Variants in MAP3K10 observed in about 807,000 individuals in gnomAD.
MAP3K10 encodes mitogen-activated protein kinase kinase kinase 10, also known as MKN28 derived nonreceptor_type serine/threonine kinase.
In MAP3K10, 22 loss-of-function variants were observed where a neutral mutation model predicts 75.0. The observed-to-expected ratio is 0.29, with a 90% CI of 0.21 to 0.42. The LOEUF (loss-of-function observed/expected upper bound fraction) is 0.42. Ranked by LOEUF, MAP3K10 falls within the 10% of genes least tolerant of loss-of-function variation. The pLI is 1.00. For synonymous variants in MAP3K10, 599 were observed against 612.9 expected, an observed-to-expected ratio of 0.98 and a Z score of 0.34; for missense variants, 1,165 against 1,379.8, an observed-to-expected ratio of 0.84 and a Z score of 2.47.
At chr19:40,210,452 A>G (rs866450229) in intron 6 of MAP3K10, among the ~76,000 whole-genome samples, 2 of 151,916 alleles carry the variant, frequency 1.3e-5, no homozygotes, top group Admixed American at 6.5e-5. Flanking sequence ...TGTAATCCCA[A>G]CACTTTGGGA....
rs375737560 is a variant in MAP3K10, at chr19:40,214,122, G to C, written c.2443G>C (p.Val815Leu). 7.1e-6 allele frequency: 11 copies of C among 1,554,184 alleles called. No individual in the cohort carries two copies. Among genetic ancestry groups the C allele is most frequent in the Middle Eastern group, 1.7e-4 (1 of 5,802 alleles). The change falls in exon 9 of 10, where the codon GTC (valine) becomes CTC (leucine). Residue 815 changes from valine (V) to leucine (L), a missense_variant. By Grantham distance (32) the Val-to-Leu change is conservative (BLOSUM62 1). This residue lies in a region of MAP3K10 where 590 missense variants were observed against 586.6 expected (regional missense o/e 1.01). Transcript: ENST00000253055. ...CCGCCAGTCGCTCACGCCCACCCAC[G>C]TCACGGCTGCATGCGCTGTGAGCCG... The part of the protein sequence containing the change: ...DPRQSLTPTH[V>L]TAACAVSRGH...
Position 40,192,642 on chromosome 19 carries a change from C to T in MAP3K10, c.611C>T (p.Ala204Val). 6.2e-7 allele frequency: 1 copy of T among 1,600,450 alleles called. No individual in the cohort carries two copies. The highest frequency in any genetic ancestry group is 1.7e-5 in the Admixed American group (1 of 58,814). The part of the protein sequence containing the change: ...HVLVNWAVQV[A>V]RGMNYLHNDA... ...CTGGTCAACTGGGCTGTGCAGGTGG[C>T]CCGGGGCATGAACTACCTACACAAT... is the stretch of plus-strand genomic sequence containing the variant. Residue 204 changes from alanine (A) to valine (V), a missense_variant, in exon 1 of 10, where the codon GCC (alanine) becomes GTC (valine). Ala to Val is a moderately conservative substitution (Grantham distance 64). Transcript: ENST00000253055. The surrounding 1 kb of genome is among the most constrained non-coding windows in gnomAD (Gnocchi z 7.1).
At chr19:40,200,234 G>A (rs1408285653) in intron 2 of MAP3K10, among the ~76,000 whole-genome samples, 3 of 152,210 alleles carry the variant, frequency 2.0e-5, no homozygotes, top group Non-Finnish European at 4.4e-5. Context: ...AGGAGGCAGA[G>A]GTTGAGATGG....
At chr19:40,208,378 A>G (rs1236130679) in intron 5 of MAP3K10, among the ~76,000 whole-genome samples, 3 of 20,526 alleles carry the variant, frequency 1.5e-4, no homozygotes, top group Non-Finnish European at 3.9e-4. Context: ...TTGTATTTTT[A>G]GTAGAGACAG....
rs564792627 is a variant in MAP3K10, at chr19:40,208,443, G to A, written c.1436-660G>A. Reference sequence around the variant, plus strand: ...AATCTCCTGACCTCGTGATCCGCCTGCCTCGGCCTCCCAAAGTGCTGGGAT... The same window carrying A: ...AATCTCCTGACCTCGTGATCCGCCTACCTCGGCCTCCCAAAGTGCTGGGAT... On this transcript the variant is annotated intron_variant, in intron 5 of 9. Coordinates refer to ENST00000253055, the MANE Select transcript of MAP3K10 (RefSeq NM_002446.4). Among the ~76,000 whole-genome samples the A allele has an allele frequency of 6.8e-3, 967 of 141,536 alleles. 13 individuals carry two copies. Among genetic ancestry groups the A allele is most frequent in the African/African-American group, 0.024 (910 of 38,592 alleles). The allele number at this position is 141,536 out of a possible 152,430, so 92.9% of individuals were successfully genotyped here. A position where few individuals can be genotyped will look rare whatever the true frequency, so the allele number is the denominator to read the frequency against.
intron 1 of MAP3K10, among the ~76,000 whole-genome samples, chr19:40,196,391 G>A (rs952839867): frequency 2.6e-5 from 4 of 152,192 alleles, no homozygotes; most frequent in Admixed American, 2.6e-4. Context: ...GTTTACTCTT[G>A]TAGTCCCAGC....
intron 6 of MAP3K10, among the ~76,000 whole-genome samples, chr19:40,211,481 G>C (rs1246308982): frequency 6.6e-6 from 1 of 151,898 alleles, no homozygotes; most frequent in African/African-American, 2.4e-5. Flanking sequence ...CCATCACCTA[G>C]GTAGTAAGCC....
rs1219472047 is a variant in MAP3K10, at chr19:40,213,064, T to C, written c.1725-12T>C. 1 of 1,604,582 alleles carries C rather than the reference T, an allele frequency of 6.2e-7. No homozygotes were observed. Among genetic ancestry groups the C allele is most frequent in the Non-Finnish European group, 8.5e-7 (1 of 1,175,610 alleles). On this transcript the variant is annotated splice_polypyrimidine_tract_variant and intron_variant, in intron 7 of 9. Coordinates refer to ENST00000253055, the MANE Select transcript of MAP3K10 (RefSeq NM_002446.4). This position sits in a 1 kb window ranked among gnomAD's most constrained non-coding sequence, Gnocchi z 5.7. ...CAGGACTGAGGTCTCCATCTCTCCC[T>C]GGACCCCGCAGGCTGAAGGGGCTGG...
Position 40,212,834 on chromosome 19 carries a change from A to G in MAP3K10, c.1582A>G (p.Ser528Gly), listed in dbSNP as rs781186671. 3.1e-6 allele frequency: 5 copies of G among 1,599,934 alleles called. No homozygotes were observed. In the South Asian group the frequency reaches 5.6e-5, roughly 18 times the overall value. ...LTPVDCGGSS[S>G]GSSSGGSGTW... ...TCCCGTGGACTGTGGTGGCAGCAGC[A>G]GTGGCAGCAGCAGTGGAGGAAGTGG... is the stretch of plus-strand genomic sequence containing the variant. Residue 528 changes from serine to glycine, a missense_variant, in exon 7 of 10, where the codon AGT (serine) becomes GGT (glycine). By Grantham distance (56) the Ser-to-Gly change is moderately conservative. Coordinates refer to ENST00000253055, the MANE Select transcript of MAP3K10 (RefSeq NM_002446.4). The surrounding 1 kb of genome is among the most constrained non-coding windows in gnomAD (Gnocchi z 4.2).
intron 5 of MAP3K10, among the ~76,000 whole-genome samples, chr19:40,208,345 C>CTTTCTTTCT (rs1555756622): frequency 7.2e-5 from 4 of 55,904 alleles, no homozygotes; most frequent in Non-Finnish European, 1.3e-4. Context: ...CTCTTTCTTT[C>CTTTCTTTCT]TTTTTTTTTT....
rs1176996657 is a variant in MAP3K10 at position 40,215,382 on chromosome 19, C to G, written c.*90C>G. On this transcript the variant is annotated 3_prime_UTR_variant, in exon 10 of 10. Coordinates refer to ENST00000253055, the MANE Select transcript of MAP3K10 (RefSeq NM_002446.4). ...GCCATGCCACAAGGTGGGGGAGGCC[C>G]TGGGCAGGATGTTCACTCTATTTAT... is the stretch of plus-strand genomic sequence containing the variant. 1 of 1,209,340 alleles carries G rather than the reference C, an allele frequency of 8.3e-7. No homozygotes were observed. The highest frequency in any genetic ancestry group is 1.1e-6 in the Non-Finnish European group (1 of 871,334). The allele number at this position is 1,209,340 out of a possible 1,614,324, so 74.9% of individuals were successfully genotyped here.
At chr19:40,206,312 A>T (rs1973121104) in intron 5 of MAP3K10, 155 bp downstream of exon 5, 1 of 873,018 alleles carries the variant, frequency 1.1e-6, no homozygotes, top group Non-Finnish European at 1.6e-6. Flanking sequence ...GAGCACTTGT[A>T]GTCCCAGCCT....
Position 40,198,589 on chromosome 19 carries a change from G to T in MAP3K10, c.863+34G>T. 1 of 1,574,962 alleles carries T rather than the reference G, an allele frequency of 6.3e-7. No homozygotes were observed. Among genetic ancestry groups the T allele is most frequent in the Non-Finnish European group, 8.7e-7 (1 of 1,154,886 alleles). Reference sequence around the variant, plus strand: ...AGGCGCGGCCGGGATGGCCTCTGGGGAGTAAGGGAGGGAGGAAGGGGTGAG... The same window carrying T: ...AGGCGCGGCCGGGATGGCCTCTGGGTAGTAAGGGAGGGAGGAAGGGGTGAG... On this transcript the variant is annotated intron_variant, in intron 2 of 9. Coordinates refer to ENST00000253055, the MANE Select transcript of MAP3K10 (RefSeq NM_002446.4). This position sits in a 1 kb window ranked among gnomAD's most constrained non-coding sequence, Gnocchi z 4.3.
Position 40,208,201 on chromosome 19 carries a change from T to C in MAP3K10, c.1436-902T>C, listed in dbSNP as rs181884256. 1.6e-4 allele frequency among the ~76,000 whole-genome samples: 24 copies of C among 152,060 alleles called. No individual in the cohort carries two copies. In the South Asian group the frequency reaches 4.2e-3, roughly 26 times the overall value. ...TTTTTGTTTTTTTTGAGATGGAGCC[T>C]CGCTCTGTCACCCAGGCTGGAGTGC... On this transcript the variant is annotated intron_variant, in intron 5 of 9. Transcript: ENST00000253055.
Position 40,215,247 on chromosome 19 carries a change from C to A in MAP3K10, c.2820C>A (p.Asn940Lys). 1 of 1,558,008 alleles carries A rather than the reference C, an allele frequency of 6.4e-7. No homozygotes were observed. The highest frequency in any genetic ancestry group is 8.7e-7 in the Non-Finnish European group (1 of 1,151,506). Residue 940 changes from asparagine (N) to lysine (K), a missense_variant, in exon 10 of 10, where the codon AAC becomes AAA. Asn to Lys is a moderately conservative substitution (Grantham distance 94). Coordinates refer to ENST00000253055, the MANE Select transcript of MAP3K10 (RefSeq NM_002446.4). ...TGGACATGGACATGGAGGGGCAGAA[C>A]CAAGACAGCACAGTGCCCCTGTGCG... ...TLLDMDMEGQ[N>K]QDSTVPLCGA... is the part of the protein sequence containing the mutation.
rs1972812881 is a variant in MAP3K10, at chr19:40,191,630, C to G, written c.-402C>G. 1 of 149,636 alleles carries G rather than the reference C, an allele frequency of 6.7e-6. No homozygotes were observed. The highest frequency in any genetic ancestry group is 1.5e-5 in the Non-Finnish European group (1 of 67,358). 9.3% of individuals were successfully genotyped at this position (149,636 alleles called of 1,614,324 possible). ...GGCCCGGCAGTCGTGGCCCGGGATG[C>G]GGAGCCGGGGGCCGCCGGTGGAGCT... On this transcript the variant is annotated 5_prime_UTR_variant, in exon 1 of 10. Coordinates refer to ENST00000253055, the MANE Select transcript of MAP3K10 (RefSeq NM_002446.4).
rs373849251 is a variant in MAP3K10 at position 40,192,680 on chromosome 19, C to T, written c.649C>T (p.Pro217Ser). The change falls in exon 1 of 10, where the codon CCC becomes TCC. Residue 217 changes from proline to serine, a missense_variant. Around this residue, in one of 2 missense-constraint regions of MAP3K10, gnomAD observed 575 missense variants for 793.2 expected, o/e 0.72. Transcript: ENST00000253055. This position sits in a 1 kb window ranked among gnomAD's most constrained non-coding sequence, Gnocchi z 7.1. ...MNYLHNDAPV[P>S]IIHRDLKSIN... ...CTACCTACACAATGATGCCCCTGTG[C>T]CCATCATCCACCGGGACCTCAAGTC... The T allele has an allele frequency of 1.5e-5, 23 of 1,554,590 alleles. No homozygotes were observed. Among genetic ancestry groups the T allele is most frequent in the Non-Finnish European group, 1.8e-5 (21 of 1,149,296 alleles).
chr19:40,212,502 C>G lies in MAP3K10; in HGVS notation c.1553-303C>G, dbSNP rs1240289882. On this transcript the variant is annotated intron_variant, in intron 6 of 9. Transcript: ENST00000253055. The surrounding 1 kb of genome is among the most constrained non-coding windows in gnomAD (Gnocchi z 4.2). The stretch of plus-strand genomic sequence containing the variant: ...GAACTAACTACCCAGAGCTGGAGAC[C>G]AGAAGCGCAGGCAGCCCGCCAGAAT... Among the ~76,000 whole-genome samples the G allele has an allele frequency of 6.6e-6, 1 of 152,160 alleles. No homozygotes were observed. The highest frequency in any genetic ancestry group is 1.5e-5 in the Non-Finnish European group (1 of 68,026).
intron 5 of MAP3K10, among the ~76,000 whole-genome samples, chr19:40,207,772 T>C (rs1200616474): frequency 6.6e-6 from 1 of 152,162 alleles, no homozygotes; most frequent in Non-Finnish European, 1.5e-5. Context: ...GCCCAATATA[T>C]CCATGCAATC....
Sources: gnomAD v4.1 joint callset for allele counts (sites outside exome capture counted in the v4.1 genomes callset) on GRCh38, gnomAD v4.1.1 for gene constraint, gnomAD v4.1.1 regional missense constraint, Gnocchi (gnomAD v3.1) non-coding constraint, MANE v1.5 for transcripts, NCBI Gene and HGNC (gene_info 2026-07-23, HGNC 2026-07-21) for gene names.